GPD2: variants seen among roughly 807,000 people sequenced by gnomAD.
GPD2 encodes glycerol-3-phosphate dehydrogenase 2, also known as glycerol-3-phosphate dehydrogenase, mitochondrial.
Under a neutral mutation model 82.4 loss-of-function variants are expected in GPD2, and 54 were observed. The observed-to-expected ratio is 0.66, with a 90% CI of 0.53 to 0.82. The LOEUF (loss-of-function observed/expected upper bound fraction) is 0.82, where lower values mean the gene tolerates loss of function less well. GPD2 is among the 40% of genes least tolerant of loss of function. GPD2 has a pLI of 0.00. For synonymous variants in GPD2, 288 were observed against 306.1 expected, an observed-to-expected ratio of 0.94 and a Z score of 0.62; for missense variants, 748 against 896.2, an observed-to-expected ratio of 0.83 and a Z score of 2.11.
At chr2:156,417,491 A>C in the GPD2 span, among the ~76,000 whole-genome samples, 1 of 152,186 alleles carries the variant, frequency 6.6e-6, no homozygotes, top group Non-Finnish European at 1.5e-5. Flanking sequence ...AGCTACTAAA[A>C]ATAAGTCAAT....
At chr2:156,566,381 C>T (rs530303044) in intron 9 of GPD2, among the ~76,000 whole-genome samples, 1 of 152,140 alleles carries the variant, frequency 6.6e-6, no homozygotes, top group East Asian at 1.9e-4. Context: ...ACTCTTATTC[C>T]CCCTCTCCCA....
intron 3 of GPD2, among the ~76,000 whole-genome samples, chr2:156,502,761 A>G (rs996000917): frequency 1.9e-4 from 29 of 151,648 alleles, no homozygotes; most frequent in African/African-American, 6.8e-4. Flanking sequence ...GTTATGTTAT[A>G]TCTGTGATAA....
chr2:156,410,192 G>A, the GPD2 span, among the ~76,000 whole-genome samples: 5 of 152,320 alleles, frequency 3.3e-5, no homozygotes, highest in South Asian at 2.1e-4. Flanking sequence ...AGGGCAGCAC[G>A]TCTCACACAT....
At chr2:156,481,597 G>A (rs940026304) in intron 2 of GPD2, among the ~76,000 whole-genome samples, 2 of 150,904 alleles carry the variant, frequency 1.3e-5, no homozygotes, top group Non-Finnish European at 2.9e-5. Context: ...TTAACATAAT[G>A]TCCTCCAGGC....
intron 13 of GPD2, among the ~76,000 whole-genome samples, 183 bp from the exon 14 acceptor site, chr2:156,578,706 A>G (rs1687912477): frequency 6.6e-6 from 1 of 152,236 alleles, no homozygotes; most frequent in African/African-American, 2.4e-5. Context: ...GATCTTAATC[A>G]TGGTAGTAGG....
chr2:156,564,576 T>A (rs966671141), intron 9 of GPD2, among the ~76,000 whole-genome samples: 2 of 151,864 alleles, frequency 1.3e-5, no homozygotes, highest in Non-Finnish European at 2.9e-5. Context: ...ACTGAATGAG[T>A]GGTGAGGAGG....
In GPD2 at chr2:156,571,819, G is replaced by A. The variant is rs562770227; in HGVS notation, c.1767+527G>A. On this transcript the variant is annotated intron_variant, in intron 13 of 16. Coordinates refer to ENST00000438166, the MANE Select transcript of GPD2 (RefSeq NM_000408.5). ...CACACATACAGGGTTAGGCTAAGTA[G>A]ATCTTTATGTTTTTTAATTAACCCA... Among the ~76,000 whole-genome samples the A allele has an allele frequency of 4.1e-4, 62 of 152,158 alleles. No individual in the cohort carries two copies. In the South Asian group the frequency reaches 8.5e-3, roughly 21 times the overall value.
At chr2:156,429,459 A>G in the GPD2 span, among the ~76,000 whole-genome samples, 1 of 152,230 alleles carries the variant, frequency 6.6e-6, no homozygotes, top group East Asian at 1.9e-4. Flanking sequence ...GAAAATTTAT[A>G]AAAGCTAGTT....
At chr2:156,507,115 G>A (rs1290780250) in intron 3 of GPD2, among the ~76,000 whole-genome samples, 2 of 151,822 alleles carry the variant, frequency 1.3e-5, no homozygotes, top group African/African-American at 4.8e-5. Context: ...CTGGGTTCAA[G>A]CGATTCTCCT....
chr2:156,439,383 G>A (rs759204414), intron 1 of GPD2, among the ~76,000 whole-genome samples: 46 of 151,502 alleles, frequency 3.0e-4, no homozygotes, highest in Non-Finnish European at 5.7e-4. Flanking sequence ...AGGAGTTTGA[G>A]ACCAGCCTGG....
chr2:156,512,707 A>C (rs1395215862), intron 5 of GPD2, among the ~76,000 whole-genome samples: 1 of 152,170 alleles, frequency 6.6e-6, no homozygotes, highest in Non-Finnish European at 1.5e-5. Flanking sequence ...CTTGAAACCC[A>C]AGGCATTTTG....
intron 6 of GPD2, among the ~76,000 whole-genome samples, chr2:156,524,148 C>A (rs1685521094): frequency 6.6e-6 from 1 of 151,888 alleles, no homozygotes. Context: ...TCCCACCCAC[C>A]CCCACCTTTT....
chr2:156,577,347 C>G (rs893332557), intron 13 of GPD2, among the ~76,000 whole-genome samples: 1 of 151,938 alleles, frequency 6.6e-6, no homozygotes, highest in Non-Finnish European at 1.5e-5. Flanking sequence ...AAAAATTAGC[C>G]AGGCATAGTG....
Position 156,541,820 on chromosome 2 carries a change from G to GTT in GPD2, c.662-7786_662-7785dup, listed in dbSNP as rs1397587048. Among the ~76,000 whole-genome samples, 43 of 33,684 alleles carry GTT rather than the reference G, an allele frequency of 1.3e-3. 1 individual carries two copies. Among genetic ancestry groups the GTT allele is most frequent in the African/African-American group, 1.9e-3 (17 of 8,898 alleles). The allele number at this position is 33,684 out of a possible 152,430, so 22.1% of individuals were successfully genotyped here. Reference sequence around the variant, plus strand: ...TTCTTCCTTAAACGTATAAAATGCTGTTTGTTTTTTTTTTTTTTTTTTTTT... The same window carrying GTT: ...TTCTTCCTTAAACGTATAAAATGCTGTTTTTGTTTTTTTTTTTTTTTTTTTTT... On this transcript the variant is annotated intron_variant, in intron 6 of 16. Coordinates refer to ENST00000438166, the MANE Select transcript of GPD2 (RefSeq NM_000408.5).
intron 13 of GPD2, among the ~76,000 whole-genome samples, chr2:156,574,550 A>G (rs189070991): frequency 4.9e-4 from 75 of 152,274 alleles, no homozygotes; most frequent in Admixed American, 2.0e-3. Flanking sequence ...AGAGACTATA[A>G]AGAGAAAACA....
At chr2:156,572,849 A>T in intron 13 of GPD2, among the ~76,000 whole-genome samples, 1 of 152,170 alleles carries the variant, frequency 6.6e-6, no homozygotes, top group Non-Finnish European at 1.5e-5. Flanking sequence ...AATACCATAG[A>T]CTGGGTGGCT....
the GPD2 span, among the ~76,000 whole-genome samples, chr2:156,428,736 G>A: frequency 6.6e-6 from 1 of 152,112 alleles, no homozygotes; most frequent in Admixed American, 6.5e-5. Flanking sequence ...TCTACTTTAC[G>A]CCTCCCTAAA....
chr2:156,496,905 T>C (rs575583297), intron 3 of GPD2, among the ~76,000 whole-genome samples: 1 of 152,286 alleles, frequency 6.6e-6, no homozygotes, highest in African/African-American at 2.4e-5. Flanking sequence ...GAAACTTTAG[T>C]TCATGCGAAT....
intron 1 of GPD2, among the ~76,000 whole-genome samples, chr2:156,450,816 C>T (rs1364379257): frequency 3.0e-4 from 36 of 120,210 alleles, no homozygotes; most frequent in African/African-American, 1.1e-3. Context: ...TGCGGCCTTC[C>T]GCAGTGTTTG....
Sources: gnomAD v4.1 joint callset for allele counts (sites outside exome capture counted in the v4.1 genomes callset) on GRCh38, gnomAD v4.1.1 for gene constraint, MANE v1.5 for transcripts, NCBI Gene and HGNC (gene_info 2026-07-23, HGNC 2026-07-21) for gene names.